PSMC1: variants seen among roughly 807,000 people sequenced by gnomAD.
PSMC1 encodes the protein 26S proteasome regulatory subunit 4.
Under a neutral mutation model 49.8 loss-of-function variants are expected in PSMC1, and 5 were observed. The ratio of observed to expected loss-of-function variants is 0.10; its 90% confidence interval spans 0.05 to 0.21. The LOEUF is 0.21. Among genes scored for constraint, PSMC1 ranks in the 10% least tolerant of loss-of-function variants. PSMC1 has a pLI of 1.00. For synonymous variants in PSMC1, 155 were observed against 192.1 expected, an observed-to-expected ratio of 0.81 and a Z score of 1.60; for missense variants, 181 against 535.7, an observed-to-expected ratio of 0.34 and a Z score of 6.54.
At chr14:90,266,700 A>C (rs1438854011) in intron 7 of PSMC1, among the ~76,000 whole-genome samples, 4 of 152,204 alleles carry the variant, frequency 2.6e-5, no homozygotes, top group African/African-American at 9.6e-5. Flanking sequence ...CAGCTTGTTC[A>C]GTGAGCCCTC....
Position 90,272,234 on chromosome 14 carries a change from G to A in PSMC1, c.1189-39G>A. The A allele has an allele frequency of 6.3e-7, 1 of 1,595,828 alleles. No individual in the cohort carries two copies. The highest frequency in any genetic ancestry group is 1.4e-5 in the African/African-American group (1 of 73,730). On this transcript the variant is annotated intron_variant, in intron 10 of 10. Coordinates refer to ENST00000261303, the MANE Select transcript of PSMC1 (RefSeq NM_002802.3). This position sits in a 1 kb window ranked among gnomAD's most constrained non-coding sequence, Gnocchi z 4.5. ...TGGAATTCCTTGTTAGAATAAAAATGAGTATGTCACTTTCTGAACACACTC... is the reference window on the plus strand; with the variant it reads ...TGGAATTCCTTGTTAGAATAAAAATAAGTATGTCACTTTCTGAACACACTC...
At chr14:90,270,928 G>C (rs1891644230) in intron 10 of PSMC1, 1 of 152,266 alleles carries the variant, frequency 6.6e-6, no homozygotes, top group Non-Finnish European at 1.5e-5. Flanking sequence ...GGTAGGGACA[G>C]CACAAGCAGT....
intron 8 of PSMC1, 43 bp from the exon 9 acceptor site, chr14:90,269,354 G>C (rs761313673): frequency 3.9e-6 from 6 of 1,541,026 alleles, no homozygotes; most frequent in Admixed American, 3.7e-5. Flanking sequence ...TTGAGCAGGC[G>C]ATCAGTTGAG....
In PSMC1 at chr14:90,274,173, G is replaced by C. The variant is rs1891739655; in HGVS notation, c.*1766G>C. ...GGTGTCAGCCCAAGTAGGGTGTGGA[G>C]CTGTCCATGTGGAGGAACACCACAG... On this transcript the variant is annotated 3_prime_UTR_variant, in exon 11 of 11. Coordinates refer to ENST00000261303, the MANE Select transcript of PSMC1 (RefSeq NM_002802.3). The C allele has an allele frequency of 6.4e-6, 1 of 155,354 alleles. No individual in the cohort carries two copies. 9.6% of individuals were successfully genotyped at this position (155,354 alleles called of 1,614,324 possible). A position where few individuals can be genotyped will look rare whatever the true frequency, so the allele number is the denominator to read the frequency against.
chr14:90,263,929 A>G, intron 5 of PSMC1, 82 bp downstream of exon 5: 1 of 1,588,432 alleles, frequency 6.3e-7, no homozygotes. Context: ...CCGTGGAAGT[A>G]GATCACCAAA....
rs1300964181 is a variant in PSMC1, at chr14:90,256,616, T to A, written c.3+16T>A. 1 of 1,587,814 alleles carries A rather than the reference T, an allele frequency of 6.3e-7. No homozygotes were observed. The highest frequency in any genetic ancestry group is 1.2e-5 in the South Asian group (1 of 86,902). ...AGGCAAGATGGTGAGTGACTAAGGG[T>A]TTCTTTCCGCTGGTCGTCGCGGTGC... is the stretch of plus-strand genomic sequence containing the variant. On this transcript the variant is annotated intron_variant, in intron 1 of 10. Transcript: ENST00000261303.
chr14:90,264,110 G>T lies in PSMC1; in HGVS notation c.535G>T (p.Ala179Ser). Residue 179 changes from alanine (A) to serine (S), a missense_variant, in exon 6 of 11, where the codon GCC (alanine) becomes TCC (serine). By Grantham distance (99) the Ala-to-Ser change is moderately conservative. Around this residue, in one of 3 missense-constraint regions of PSMC1, gnomAD observed 121 missense variants for 358.6 expected, o/e 0.34. Transcript: ENST00000261303. ...GGTCACAGTGATGAAGGTAGAAAAGGCCCCCCAGGAGACCTATGCAGATAT... is the reference window on the plus strand; with the variant it reads ...GGTCACAGTGATGAAGGTAGAAAAGTCCCCCCAGGAGACCTATGCAGATAT... ...PLVTVMKVEK[A>S]PQETYADIGG... The T allele has an allele frequency of 6.2e-7, 1 of 1,613,348 alleles. No individual in the cohort carries two copies. The highest frequency in any genetic ancestry group is 8.5e-7 in the Non-Finnish European group (1 of 1,179,850).
rs1270606628 is a variant in PSMC1 at position 90,274,836 on chromosome 14, A to ACCCCCCCC, written c.*2430_*2431insCCCCCCCC. The ACCCCCCCC allele has an allele frequency of 1.0e-4, 6 of 59,236 alleles. No individual in the cohort carries two copies. The highest frequency in any genetic ancestry group is 2.3e-4 in the Non-Finnish European group (6 of 26,642). The allele number at this position is 59,236 out of a possible 1,614,324, so 3.7% of individuals were successfully genotyped here. On this transcript the variant is annotated 3_prime_UTR_variant, in exon 11 of 11. Coordinates refer to ENST00000261303, the MANE Select transcript of PSMC1 (RefSeq NM_002802.3). ...CACACACACACACACACACACACAC[A>ACCCCCCCC]CACCCCAATACATATGAATTGATCT...
chr14:90,269,785 A>G (rs989561471), intron 9 of PSMC1: 3 of 438,388 alleles, frequency 6.8e-6, no homozygotes, highest in African/African-American at 6.1e-5. Context: ...TTTCCATAAC[A>G]TTCCCTTTTT....
At chr14:90,269,987 CAGAG>C (rs1177135022) in intron 9 of PSMC1, 1 of 547,568 alleles carries the variant, frequency 1.8e-6, no homozygotes, top group Non-Finnish European at 3.2e-6. Flanking sequence ...GGTACCAAAG[CAGAG>C]AGAGTTTCTT....
At chr14:90,266,757 A>G (rs921989906) in intron 7 of PSMC1, among the ~76,000 whole-genome samples, 3 of 152,212 alleles carry the variant, frequency 2.0e-5, no homozygotes, top group African/African-American at 4.8e-5. Flanking sequence ...CTTCTGCACG[A>G]TAACATCCTA....
chr14:90,256,695 G>C, intron 1 of PSMC1, 95 bp downstream of exon 1: 11 of 1,524,496 alleles, frequency 7.2e-6, no homozygotes, highest in Non-Finnish European at 8.0e-6. Context: ...CCGAGGAACT[G>C]GGACAGCCCT....
intron 7 of PSMC1, among the ~76,000 whole-genome samples, chr14:90,267,013 G>A (rs978863606): frequency 7.0e-6 from 1 of 143,850 alleles, no homozygotes; most frequent in African/African-American, 3.0e-5. Flanking sequence ...AACTGCCTCT[G>A]TATCCTGAGG....
chr14:90,271,002 G>GGCAAGTAAAATCT (rs1419975805), intron 10 of PSMC1: 89 of 152,320 alleles, frequency 5.8e-4, no homozygotes, highest in African/African-American at 1.9e-3. Flanking sequence ...TAGAGAACTA[G>GGCAAGTAAAATCT]ATGTCTCTGT....
rs1374737955 is a variant in PSMC1, at chr14:90,272,560, A to G, written c.*153A>G. 1 of 581,700 alleles carries G rather than the reference A, an allele frequency of 1.7e-6. No homozygotes were observed. The highest frequency in any genetic ancestry group is 3.1e-6 in the Non-Finnish European group (1 of 324,074). 36.0% of individuals were successfully genotyped at this position (581,700 alleles called of 1,614,324 possible). On this transcript the variant is annotated 3_prime_UTR_variant, in exon 11 of 11. Transcript: ENST00000261303. This position sits in a 1 kb window ranked among gnomAD's most constrained non-coding sequence, Gnocchi z 4.5. ...TTTGGAGTACGATGTGTAAGTGCCC[A>G]TTGGGTGGCCTGTTGGTCACTGTGC...
At chr14:90,264,977 T>C in intron 6 of PSMC1, 93 bp from the exon 7 acceptor site, 1 of 930,082 alleles carries the variant, frequency 1.1e-6, no homozygotes, top group Non-Finnish European at 1.7e-6. Flanking sequence ...GATTTTTACT[T>C]ATTTTTGTTG....
At chr14:90,262,066 G>C (rs1479541221) in intron 3 of PSMC1, among the ~76,000 whole-genome samples, 2 of 149,572 alleles carry the variant, frequency 1.3e-5, no homozygotes, top group African/African-American at 4.9e-5. Context: ...ACCAAATGCT[G>C]CATGTTCTCA....
chr14:90,263,218 A>C, intron 3 of PSMC1, 100 bp from the exon 4 acceptor site: 1 of 1,260,256 alleles, frequency 7.9e-7, no homozygotes, highest in Non-Finnish European at 1.1e-6. Context: ...TTCTGAAGCT[A>C]TCGCCAACAA....
intron 9 of PSMC1, 72 bp downstream of exon 9, chr14:90,269,620 G>T (rs1393231861): frequency 1.3e-6 from 2 of 1,514,346 alleles, no homozygotes; most frequent in African/African-American, 2.8e-5. Context: ...GCTTTGGGAG[G>T]CCTATAAAAT....
Sources: gnomAD v4.1 joint callset for allele counts (sites outside exome capture counted in the v4.1 genomes callset) on GRCh38, gnomAD v4.1.1 for gene constraint, gnomAD v4.1.1 regional missense constraint, Gnocchi (gnomAD v3.1) non-coding constraint, MANE v1.5 for transcripts, NCBI Gene and HGNC (gene_info 2026-07-23, HGNC 2026-07-21) for gene names.